The following MYLK2 variants were observed in gnomAD, a reference collection of about 807,000 sequenced individuals.
MYLK2 encodes myosin light chain kinase 2.
A neutral mutation model predicts 58.2 loss-of-function variants in MYLK2; 27 were observed. The observed-to-expected ratio is 0.46, with a 90% CI of 0.34 to 0.64. MYLK2 has a LOEUF of 0.64. Among genes scored for constraint, MYLK2 ranks in the 30% least tolerant of loss-of-function variants. The pLI is 0.01. For synonymous variants in MYLK2, 310 were observed against 296.7 expected, an observed-to-expected ratio of 1.04 and a Z score of -0.46; for missense variants, 676 against 764.3, an observed-to-expected ratio of 0.88 and a Z score of 1.36.
In MYLK2 at chr20:31,833,702, T is replaced by TAGAAAAA; in HGVS notation, c.1711-15_1711-14insAGAAAAA. On this transcript the variant is annotated splice_polypyrimidine_tract_variant and intron_variant, in intron 12 of 12. Coordinates refer to ENST00000375985, the MANE Select transcript of MYLK2 (RefSeq NM_033118.4). ...CCCTGGTGTTGACTGGGACTCCCTC[T>TAGAAAAA]CTTCTGCCCTCTAGAAAAACTTCAT... is the stretch of plus-strand genomic sequence containing the variant. 1 of 1,613,382 alleles carries TAGAAAAA rather than the reference T, an allele frequency of 6.2e-7. No homozygotes were observed. The highest frequency in any genetic ancestry group is 8.5e-7 in the Non-Finnish European group (1 of 1,179,430).
At chr20:31,825,679 A>G (rs557185481) in intron 6 of MYLK2, among the ~76,000 whole-genome samples, 1 of 152,212 alleles carries the variant, frequency 6.6e-6, no homozygotes, top group Admixed American at 6.5e-5. Context: ...TGAGAAAGAC[A>G]TATGTGAGGT....
rs374538961 is a variant in MYLK2, at chr20:31,832,129, G to T, written c.1703G>T (p.Arg568Leu). ...CTTAAGAAATACCTCATGAAGAGGC[G>T]CTGGAAGGTACCGCTGGATTCAGGG... ...ILLKKYLMKR[R>L]WKKNFIAVSA... Residue 568 changes from arginine (R) to leucine (L), a missense_variant, in exon 12 of 13, where the codon CGC becomes CTC. Around this residue, in one of 2 missense-constraint regions of MYLK2, gnomAD observed 370 missense variants for 467.8 expected, o/e 0.79. Coordinates refer to ENST00000375985, the MANE Select transcript of MYLK2 (RefSeq NM_033118.4). The T allele has an allele frequency of 1.2e-6, 2 of 1,609,804 alleles. No individual in the cohort carries two copies. The highest frequency in any genetic ancestry group is 1.7e-5 in the Admixed American group (1 of 59,488).
chr20:31,832,845 T>C (rs1173660790), intron 12 of MYLK2, among the ~76,000 whole-genome samples: 2 of 151,978 alleles, frequency 1.3e-5, no homozygotes, highest in East Asian at 1.9e-4. Flanking sequence ...AAGAAGACTT[T>C]AGAAAAAAAA....
At chr20:31,824,223 T>TGGG (rs1352248622) in intron 5 of MYLK2, 36 bp from the exon 6 acceptor site, 8 of 1,604,320 alleles carry the variant, frequency 5.0e-6, no homozygotes, top group Non-Finnish European at 6.8e-6. Context: ...CGGTGGGCTC[T>TGGG]GGGGTCCCCT....
intron 8 of MYLK2, chr20:31,828,490 G>A (rs928490935): frequency 7.1e-6 from 7 of 983,784 alleles, no homozygotes; most frequent in African/African-American, 5.2e-5. Context: ...GGAAGGCCCC[G>A]TGCTAGGCAT....
At chr20:31,823,012 G>A (rs959775954) in intron 4 of MYLK2, among the ~76,000 whole-genome samples, 1 of 152,162 alleles carries the variant, frequency 6.6e-6, no homozygotes, top group Middle Eastern at 3.2e-3. Context: ...AAACAGCACG[G>A]TCCCCGGTCC....
In MYLK2 at chr20:31,826,964, G is replaced by A. The variant is rs544212814; in HGVS notation, c.1224+26G>A. ...GTACCAGACTGGGGCCTCCTGGGAAGGGTCAGGGGCAGCCTCCGACCCCCT... is the reference window on the plus strand; with the variant it reads ...GTACCAGACTGGGGCCTCCTGGGAAAGGTCAGGGGCAGCCTCCGACCCCCT... On this transcript the variant is annotated intron_variant, in intron 8 of 12. Transcript: ENST00000375985. 4 of 1,613,826 alleles carry A rather than the reference G, an allele frequency of 2.5e-6. No individual in the cohort carries two copies. In the South Asian group the frequency reaches 4.4e-5, roughly 18 times the overall value.
chr20:31,827,262 A>C (rs1333665947), intron 8 of MYLK2: 1 of 985,324 alleles, frequency 1.0e-6, no homozygotes, highest in Non-Finnish European at 1.2e-6. Context: ...CAAGTGGCTA[A>C]TAAGTGTTGC....
At chr20:31,831,648 G>T (rs2062306865) in intron 10 of MYLK2, 55 bp from the exon 11 acceptor site, 1 of 1,602,884 alleles carries the variant, frequency 6.2e-7, no homozygotes, top group African/African-American at 1.3e-5. Flanking sequence ...CCCTCTGAAG[G>T]TGACTCAGCA....
intron 7 of MYLK2, 24 bp downstream of exon 7, chr20:31,826,738 G>A: frequency 6.2e-7 from 1 of 1,614,044 alleles, no homozygotes; most frequent in South Asian, 1.1e-5. Flanking sequence ...GTAGTGGTAG[G>A]GGCTGGGTGG....
intron 8 of MYLK2, chr20:31,828,101 TG>T: frequency 1.3e-6 from 1 of 772,394 alleles, no homozygotes; most frequent in Non-Finnish European, 1.6e-6. Context: ...CTGGTCAGGC[TG>T]GTCTTGAACT....
chr20:31,828,240 G>A (rs976728950), intron 8 of MYLK2: 31 of 985,256 alleles, frequency 3.1e-5, no homozygotes, highest in South Asian at 9.4e-5. Context: ...GTAGCTGTCC[G>A]GAGCTGAGTG....
intron 5 of MYLK2, 50 bp downstream of exon 5, chr20:31,823,632 G>C: frequency 2.6e-6 from 4 of 1,550,444 alleles, no homozygotes; most frequent in Non-Finnish European, 2.7e-6. Context: ...AGTACACCGG[G>C]CTCCTGTGGC....
intron 6 of MYLK2, chr20:31,824,660 T>G (rs2062269740): frequency 7.8e-6 from 6 of 772,244 alleles, no homozygotes; most frequent in Non-Finnish European, 9.4e-6. Context: ...CCAGGCCCTG[T>G]GCTGGGCACT....
chr20:31,831,195 G>A (rs1433600149), intron 10 of MYLK2, 54 bp downstream of exon 10: 10 of 1,613,046 alleles, frequency 6.2e-6, no homozygotes, highest in East Asian at 2.2e-5. Flanking sequence ...GGGGGCGAGC[G>A]GCCGAGGCCA....
At position 31,831,049 on chromosome 20, in the gene MYLK2, G is replaced by C. The variant is rs916792223; in HGVS notation, c.1332G>C (p.Gly444=). 1 of 1,614,098 alleles carries C rather than the reference G, an allele frequency of 6.2e-7. No homozygotes were observed. Among genetic ancestry groups the C allele is most frequent in the African/African-American group, 1.3e-5 (1 of 75,000 alleles). ...ACGAGAAGCTGAAGGTGAACTTTGG[G>C]ACCCCAGAGTTCCTGTCACCTGAGG... The part of the protein sequence containing the change: ...NPNEKLKVNF[G]TPEFLSPEVV... The change falls in exon 10 of 13, where the codon GGG becomes GGC. Residue 444 remains glycine, a synonymous_variant. Coordinates refer to ENST00000375985, the MANE Select transcript of MYLK2 (RefSeq NM_033118.4).
chr20:31,820,264 G>C lies in MYLK2; in HGVS notation c.191G>C (p.Gly64Ala), dbSNP rs141105787. 3.5e-5 allele frequency: 56 copies of C among 1,613,812 alleles called. No homozygotes were observed. In the African/African-American group the frequency reaches 7.2e-4, roughly 21 times the overall value. ...GCCCCTGCCTCAGAGAAAGGGGATG[G>C]TACCCTGGCCCAACCCTCAACTAGC... ...AKAPASEKGD[G>A]TLAQPSTSSQ... The change falls in exon 3 of 13, where the codon GGT becomes GCT. Residue 64 changes from glycine to alanine, a missense_variant. By Grantham distance (60) the Gly-to-Ala change is moderately conservative. Transcript: ENST00000375985.
At chr20:31,820,573 A>G (rs1220038553) in intron 3 of MYLK2, 27 bp downstream of exon 3, 4 of 1,598,260 alleles carry the variant, frequency 2.5e-6, no homozygotes, top group Non-Finnish European at 3.4e-6. Context: ...GGGAGTGGGG[A>G]GGGGTCCTGT....
At position 31,831,847 on chromosome 20, in the gene MYLK2, G is replaced by A; in HGVS notation, c.1569G>A (p.Lys523=). ...AKDFVSNLIV[K]DQRARMNAAQ... The stretch of plus-strand genomic sequence containing the variant: ...ACTTTGTCTCCAACCTCATCGTCAA[G>A]GACCAGAGGTGAGGCTCACCCCAGA... The change falls in exon 11 of 13, where the codon AAG becomes AAA. Residue 523 remains lysine, a synonymous_variant. Coordinates refer to ENST00000375985, the MANE Select transcript of MYLK2 (RefSeq NM_033118.4). The A allele has an allele frequency of 6.2e-6, 10 of 1,614,180 alleles. No individual in the cohort carries two copies. The highest frequency in any genetic ancestry group is 1.3e-5 in the African/African-American group (1 of 75,040).
Sources: allele counts gnomAD v4.1 joint callset (sites outside exome capture counted in the v4.1 genomes callset), GRCh38; gene constraint gnomAD v4.1.1; regional missense constraint gnomAD v4.1.1; transcripts MANE v1.5; gene names NCBI Gene and HGNC (gene_info 2026-07-23, HGNC 2026-07-21).